Variants in PDE10A observed in about 807,000 individuals in gnomAD.
PDE10A encodes the protein cAMP and cAMP-inhibited cGMP 3',5'-cyclic phosphodiesterase 10A.
PDE10A carries 39 observed loss-of-function variants against 97.7 expected under a neutral mutation model. That is an observed-to-expected ratio of 0.40 (90% confidence interval 0.31 to 0.52). The LOEUF (loss-of-function observed/expected upper bound fraction) is 0.52, where lower values mean the gene tolerates loss of function less well. Ranked by LOEUF, PDE10A falls within the 20% of genes least tolerant of loss-of-function variation. The pLI is 0.56. For synonymous variants in PDE10A, 371 were observed against 376.8 expected (o/e 0.98, Z 0.18); for missense variants, 731 against 1,047.8 (o/e 0.70, Z 4.17).
chr6:165,506,079 C>T (rs575041824), intron 2 of PDE10A, among the ~76,000 whole-genome samples: 41 of 152,188 alleles, frequency 2.7e-4, no homozygotes, highest in Non-Finnish European at 4.7e-4. Context: ...TGTCTTTTCC[C>T]GCTTTTTTCC....
intron 1 of PDE10A, among the ~76,000 whole-genome samples, chr6:165,594,970 G>C (rs1319264394): frequency 6.6e-6 from 1 of 152,216 alleles, no homozygotes; most frequent in Non-Finnish European, 1.5e-5. Flanking sequence ...GCAATCTACA[G>C]GTGAAGAAAC....
chr6:165,826,300 G>C (rs796677756), intron 1 of PDE10A, among the ~76,000 whole-genome samples: 2 of 23,416 alleles, frequency 8.5e-5, no homozygotes, highest in South Asian at 1.1e-3. Flanking sequence ...CCCCATGTCC[G>C]TCTTCATGTC....
At chr6:165,686,339 C>T (rs1400477926) in intron 1 of PDE10A, among the ~76,000 whole-genome samples, 1 of 152,086 alleles carries the variant, frequency 6.6e-6, no homozygotes, top group Non-Finnish European at 1.5e-5. Context: ...GTTGGATTTC[C>T]CTGTGCATCG....
intron 1 of PDE10A, among the ~76,000 whole-genome samples, chr6:165,589,551 G>C (rs1411565342): frequency 6.6e-6 from 1 of 152,016 alleles, no homozygotes; most frequent in Non-Finnish European, 1.5e-5. Flanking sequence ...AGGCTGGTTT[G>C]GGAGTACATA....
chr6:165,528,690 T>C (rs1370009313), intron 2 of PDE10A, among the ~76,000 whole-genome samples: 2 of 152,220 alleles, frequency 1.3e-5, no homozygotes, highest in African/African-American at 4.8e-5. Context: ...GCAGTGCCTC[T>C]GACCCAGGCA....
At chr6:165,854,770 G>A (rs1268901688) in intron 1 of PDE10A, among the ~76,000 whole-genome samples, 1 of 152,164 alleles carries the variant, frequency 6.6e-6, no homozygotes, top group South Asian at 2.1e-4. Flanking sequence ...CAGCTGCCCC[G>A]GGCAGAGCGA....
At chr6:165,785,657 C>T (rs1778473216) in intron 1 of PDE10A, among the ~76,000 whole-genome samples, 1 of 152,184 alleles carries the variant, frequency 6.6e-6, no homozygotes, top group African/African-American at 2.4e-5. Context: ...GTAAAATAGT[C>T]CTGATGCTAA....
At chr6:165,692,525 A>G (rs1363162189) in intron 1 of PDE10A, among the ~76,000 whole-genome samples, 4 of 152,080 alleles carry the variant, frequency 2.6e-5, no homozygotes, top group African/African-American at 9.7e-5. Flanking sequence ...CATTGGGCCC[A>G]TTTTACTCCC....
At chr6:165,432,839 C>T in intron 7 of PDE10A, 135 bp downstream of exon 7, 1 of 648,606 alleles carries the variant, frequency 1.5e-6, no homozygotes, top group Non-Finnish European at 2.7e-6. Flanking sequence ...AGTATCAAAA[C>T]ACTGTTAAGC....
chr6:165,360,368 G>T (rs1272697571), intron 18 of PDE10A, among the ~76,000 whole-genome samples: 2 of 152,192 alleles, frequency 1.3e-5, no homozygotes, highest in African/African-American at 4.8e-5. Context: ...TCTACCCAGT[G>T]CTGCTATAAG....
At chr6:165,575,342 C>T (rs1389223194) in intron 1 of PDE10A, among the ~76,000 whole-genome samples, 2 of 152,220 alleles carry the variant, frequency 1.3e-5, no homozygotes, top group African/African-American at 4.8e-5. Context: ...TCCATTACTA[C>T]TAAGCATCCG....
Position 165,582,674 on chromosome 6 carries a change from C to CA in PDE10A, c.866-39107dup, listed in dbSNP as rs1176771365. ...TGGATTCAAGGGTCATGAGAACAAA[C>CA]AAAAAAAAAAACAGGTTTTACTCTT... is the stretch of plus-strand genomic sequence containing the variant. On this transcript the variant is annotated intron_variant, in intron 1 of 21. Coordinates refer to ENST00000539869, the MANE Select transcript of PDE10A (RefSeq NM_001385079.1). Among the ~76,000 whole-genome samples the CA allele has an allele frequency of 2.6e-3, 372 of 140,502 alleles. 1 individual carries two copies. The highest frequency in any genetic ancestry group is 7.1e-3 in the African/African-American group (274 of 38,544). 92.2% of individuals were successfully genotyped at this position (140,502 alleles called of 152,430 possible).
chr6:165,454,645 G>C (rs555331122), intron 3 of PDE10A, among the ~76,000 whole-genome samples: 4 of 152,128 alleles, frequency 2.6e-5, no homozygotes, highest in Non-Finnish European at 5.9e-5. Flanking sequence ...GCAGCAGGAA[G>C]GTCCTTGCCA....
intron 1 of PDE10A, among the ~76,000 whole-genome samples, chr6:165,652,403 T>C (rs1789729322): frequency 1.3e-5 from 2 of 151,952 alleles, no homozygotes; most frequent in South Asian, 4.2e-4. Context: ...CCCAGGCTGA[T>C]CTAGAACTCC....
At chr6:165,686,725 A>T (rs1791130765) in intron 1 of PDE10A, among the ~76,000 whole-genome samples, 1 of 152,232 alleles carries the variant, frequency 6.6e-6, no homozygotes, top group Admixed American at 6.5e-5. Context: ...TGCAACAGCC[A>T]TGAGCCATTT....
At chr6:165,364,720 A>G (rs1180281122) in intron 18 of PDE10A, among the ~76,000 whole-genome samples, 1 of 152,238 alleles carries the variant, frequency 6.6e-6, no homozygotes, top group African/African-American at 2.4e-5. Flanking sequence ...CCAGGAAGAA[A>G]ATATTGATCA....
At chr6:165,917,937 T>TC (rs1391795624) in intron 1 of PDE10A, among the ~76,000 whole-genome samples, 4 of 152,200 alleles carry the variant, frequency 2.6e-5, no homozygotes, top group Admixed American at 6.5e-5. Flanking sequence ...GCCCTGTGAT[T>TC]CCAGCCACTG....
At chr6:165,822,594 A>G (rs1276293492) in intron 1 of PDE10A, among the ~76,000 whole-genome samples, 2 of 150,780 alleles carry the variant, frequency 1.3e-5, no homozygotes, top group Non-Finnish European at 3.0e-5. Context: ...GAAAAGGTAT[A>G]GTAAAAATAG....
chr6:165,488,653 G>C (rs1320088092), intron 2 of PDE10A, among the ~76,000 whole-genome samples: 1 of 152,048 alleles, frequency 6.6e-6, no homozygotes, highest in Non-Finnish European at 1.5e-5. Context: ...CCGAGGAACT[G>C]TGGGTTCACT....
Sources: allele counts gnomAD v4.1 joint callset (sites outside exome capture counted in the v4.1 genomes callset), GRCh38; gene constraint gnomAD v4.1.1; transcripts MANE v1.5; gene names NCBI Gene and HGNC (gene_info 2026-07-23, HGNC 2026-07-21).